PRKCB: variants seen among roughly 807,000 people sequenced by gnomAD.
PRKCB encodes the protein protein kinase C beta type.
A neutral mutation model predicts 81.5 loss-of-function variants in PRKCB; 13 were observed. The observed-to-expected ratio is 0.16, with a 90% CI of 0.10 to 0.25. The LOEUF (loss-of-function observed/expected upper bound fraction) is 0.25, where lower values mean the gene tolerates loss of function less well. Among genes scored for constraint, PRKCB ranks in the 10% least tolerant of loss-of-function variants. The probability of loss-of-function intolerance (pLI) is 1.00; values close to 1 mark genes in which losing one functional copy is unlikely to be tolerated. For missense variants in PRKCB, 509 were observed against 875.7 expected (o/e 0.58, Z 5.29); for synonymous variants, 335 against 321.4 (o/e 1.04, Z -0.45).
chr16:24,033,450 G>A (rs957664075), intron 4 of PRKCB, among the ~76,000 whole-genome samples: 1 of 152,210 alleles, frequency 6.6e-6, no homozygotes, highest in Non-Finnish European at 1.5e-5. Flanking sequence ...GGCAAAAGGA[G>A]GGACAGGCAG....
chr16:23,914,556 G>A (rs1217103409), intron 2 of PRKCB, among the ~76,000 whole-genome samples: 2 of 152,188 alleles, frequency 1.3e-5, no homozygotes, highest in African/African-American at 2.4e-5. Flanking sequence ...CCCCTTGGTT[G>A]GGTGATCTTG....
chr16:23,840,032 CA>C (rs1962239045), intron 2 of PRKCB, among the ~76,000 whole-genome samples: 2 of 152,060 alleles, frequency 1.3e-5, no homozygotes, highest in African/African-American at 4.8e-5. Context: ...TCCATTTGGG[CA>C]GCAGTAGGGA....
chr16:24,096,666 A>AAAATATATAT (rs1406204037), intron 7 of PRKCB, among the ~76,000 whole-genome samples: 32 of 32,654 alleles, frequency 9.8e-4, no homozygotes, highest in Non-Finnish European at 1.6e-3. Context: ...AAAAAAAAAA[A>AAAATATATAT]ATATATATAT....
chr16:24,136,766 G>A (rs1397054821), intron 9 of PRKCB, among the ~76,000 whole-genome samples: 8 of 152,228 alleles, frequency 5.3e-5, no homozygotes, highest in Non-Finnish European at 7.3e-5. Flanking sequence ...CAAATAGGAT[G>A]TGGGCAGTTT....
rs372556524 is a variant in PRKCB, at chr16:23,892,482, A to G, written c.205+55076A>G. Among the ~76,000 whole-genome samples the G allele has an allele frequency of 7.2e-5, 11 of 152,214 alleles. No individual in the cohort carries two copies. The South Asian group carries it at 1.0e-3, about 14-fold the overall frequency. On this transcript the variant is annotated intron_variant, in intron 2 of 16. Coordinates refer to ENST00000643927, the MANE Select transcript of PRKCB (RefSeq NM_002738.7). ...TTTAATCTTAAGGGATGAGCCTGCT[A>G]TTTCCAAGACAACAAAATTATTTCT...
intron 10 of PRKCB, among the ~76,000 whole-genome samples, chr16:24,159,711 C>T (rs1045531677): frequency 2.6e-5 from 4 of 152,114 alleles, no homozygotes; most frequent in Non-Finnish European, 5.9e-5. Flanking sequence ...TTTCACTTTA[C>T]AGCCAGGCAC....
At chr16:23,933,494 A>G (rs1964006975) in intron 2 of PRKCB, among the ~76,000 whole-genome samples, 1 of 152,226 alleles carries the variant, frequency 6.6e-6, no homozygotes, top group Non-Finnish European at 1.5e-5. Context: ...TTTGGGAGGA[A>G]AATGAGGTGA....
chr16:23,847,372 CTATCTGTCCATCT>C (rs1478643276), intron 2 of PRKCB, among the ~76,000 whole-genome samples: 6 of 6,968 alleles, frequency 8.6e-4, no homozygotes, highest in South Asian at 0.026. Context: ...ATCTATCTAT[CTATCTGTCCATCT>C]ATCTATCTAT....
At chr16:24,096,666 A>AAAAAAAAAAAATATATAT (rs1406204037) in intron 7 of PRKCB, among the ~76,000 whole-genome samples, 12 of 32,660 alleles carry the variant, frequency 3.7e-4, no homozygotes, top group African/African-American at 4.8e-4. Flanking sequence ...AAAAAAAAAA[A>AAAAAAAAAAAATATATAT]ATATATATAT....
At chr16:24,053,027 G>A (rs1044748860) in intron 5 of PRKCB, among the ~76,000 whole-genome samples, 2 of 152,142 alleles carry the variant, frequency 1.3e-5, no homozygotes, top group Non-Finnish European at 2.9e-5. Flanking sequence ...CAGCACTTGA[G>A]CTCTAAATTT....
intron 5 of PRKCB, among the ~76,000 whole-genome samples, chr16:24,050,512 T>C (rs1409547989): frequency 6.6e-6 from 1 of 150,602 alleles, no homozygotes; most frequent in Non-Finnish European, 1.5e-5. Context: ...AAGCACAAAC[T>C]CACAAACACA....
intron 2 of PRKCB, among the ~76,000 whole-genome samples, chr16:23,969,389 G>T (rs117525920): frequency 0.016 from 2,407 of 152,260 alleles, 38 homozygotes; most frequent in Middle Eastern, 0.031. Context: ...ACTATTTTGT[G>T]TCTGCCTTCT....
intron 3 of PRKCB, among the ~76,000 whole-genome samples, chr16:24,028,675 A>C (rs539148490): frequency 7.1e-4 from 108 of 152,362 alleles, no homozygotes; most frequent in Non-Finnish European, 1.3e-3. Flanking sequence ...TTTACTGCTG[A>C]AAAGTATTCC....
At chr16:23,977,835 C>A (rs990294881) in intron 2 of PRKCB, among the ~76,000 whole-genome samples, 1 of 152,178 alleles carries the variant, frequency 6.6e-6, no homozygotes, top group Non-Finnish European at 1.5e-5. Context: ...CAGATTCACA[C>A]AAACCATCTC....
At chr16:24,095,649 A>G (rs1288236979) in intron 7 of PRKCB, among the ~76,000 whole-genome samples, 1 of 151,816 alleles carries the variant, frequency 6.6e-6, no homozygotes, top group East Asian at 1.9e-4. Flanking sequence ...TAACTTGGCA[A>G]TATTTCATTA....
At chr16:23,851,126 C>T (rs1962464745) in intron 2 of PRKCB, among the ~76,000 whole-genome samples, 1 of 152,158 alleles carries the variant, frequency 6.6e-6, no homozygotes, top group African/African-American at 2.4e-5. Flanking sequence ...GATGCCCTCC[C>T]ATTTGTCTCC....
chr16:24,163,351 G>A (rs763964027), intron 10 of PRKCB, among the ~76,000 whole-genome samples: 8 of 152,208 alleles, frequency 5.3e-5, no homozygotes, highest in Non-Finnish European at 8.8e-5. Context: ...AGCTTGGCAG[G>A]TGTTAGTGCT....
intron 2 of PRKCB, among the ~76,000 whole-genome samples, chr16:23,936,548 G>A (rs544371625): frequency 8.8e-4 from 132 of 150,458 alleles, no homozygotes; most frequent in Non-Finnish European, 1.6e-3. Flanking sequence ...GCGTAGGTGA[G>A]GTCACAGGTG....
chr16:23,886,762 G>A (rs541380985), intron 2 of PRKCB, among the ~76,000 whole-genome samples: 2 of 152,182 alleles, frequency 1.3e-5, no homozygotes, highest in South Asian at 4.1e-4. Flanking sequence ...CTCAGTATGG[G>A]CCTATCATCA....
Sources: allele counts gnomAD v4.1 joint callset (sites outside exome capture counted in the v4.1 genomes callset), GRCh38; gene constraint gnomAD v4.1.1; transcripts MANE v1.5; gene names NCBI Gene and HGNC (gene_info 2026-07-23, HGNC 2026-07-21).